Variants in OSBP2 observed in about 807,000 individuals in gnomAD.
The protein encoded by OSBP2 is oxysterol-binding protein 2.
OSBP2 carries 66 observed loss-of-function variants against 96.0 expected under a neutral mutation model. The ratio of observed to expected loss-of-function variants is 0.69; its 90% confidence interval spans 0.56 to 0.84. The LOEUF (loss-of-function observed/expected upper bound fraction) is 0.84, where lower values mean the gene tolerates loss of function less well. Ranked by LOEUF, OSBP2 falls within the 40% of genes least tolerant of loss-of-function variation. The pLI is 0.00. For synonymous variants in OSBP2, 525 were observed against 520.9 expected (o/e 1.01, Z -0.11); for missense variants, 1,038 against 1,222.7 (o/e 0.85, Z 2.25).
At chr22:30,722,673 CTT>C (rs552208663) in intron 1 of OSBP2, among the ~76,000 whole-genome samples, 9 of 149,426 alleles carry the variant, frequency 6.0e-5, no homozygotes, top group Non-Finnish European at 7.4e-5. Flanking sequence ...CTCTTTTTCT[CTT>C]TCTTTCTTTT....
At chr22:30,895,583 A>T (rs1569172439) in intron 12 of OSBP2, among the ~76,000 whole-genome samples, 1 of 152,204 alleles carries the variant, frequency 6.6e-6, no homozygotes, top group Admixed American at 6.5e-5. Flanking sequence ...TGACATTCAC[A>T]TATGGGGCCA....
intron 6 of OSBP2, 52 bp from the exon 7 acceptor site, chr22:30,889,437 AG>A: frequency 6.2e-7 from 1 of 1,607,014 alleles, no homozygotes; most frequent in Non-Finnish European, 8.5e-7. Context: ...TTGGAAGCCA[AG>A]GGGGCGCTCT....
At position 30,829,805 on chromosome 22, in the gene OSBP2, T is replaced by TA. The variant is rs1250761175; in HGVS notation, c.854-40619dup. ...CAACCATATGCAACAGCCCTGTTAA[T>TA]AAAAACAATTATTAGTAATAATATT... On this transcript the variant is annotated intron_variant, in intron 2 of 13. Coordinates refer to ENST00000332585, the MANE Select transcript of OSBP2 (RefSeq NM_030758.4). Among the ~76,000 whole-genome samples, 6 of 152,328 alleles carry TA rather than the reference T, an allele frequency of 3.9e-5. No individual in the cohort carries two copies. The South Asian group carries it at 8.3e-4, about 21-fold the overall frequency.
chr22:30,880,438 A>G (rs1185741145), intron 3 of OSBP2, among the ~76,000 whole-genome samples: 2 of 152,164 alleles, frequency 1.3e-5, no homozygotes, highest in African/African-American at 2.4e-5. Context: ...TGTGTGTGCT[A>G]ATGGCTGGAG....
chr22:30,745,433 G>A (rs1284765648), intron 2 of OSBP2, among the ~76,000 whole-genome samples: 1 of 152,116 alleles, frequency 6.6e-6, no homozygotes, highest in Non-Finnish European at 1.5e-5. Flanking sequence ...GCCAAGGTGG[G>A]CAGATCACCT....
upstream of OSBP2, chr22:30,694,219 G>C (rs907240712): frequency 1.2e-4 from 181 of 1,549,734 alleles, 1 homozygote; most frequent in East Asian, 4.4e-3. Context: ...GAACCCGAAC[G>C]ATGTCGTCAC....
intron 2 of OSBP2, among the ~76,000 whole-genome samples, chr22:30,850,663 C>A (rs944037271): frequency 3.3e-5 from 5 of 152,042 alleles, no homozygotes; most frequent in Admixed American, 3.3e-4. Flanking sequence ...TCATGCCTGG[C>A]TAATTTTGTA....
intron 3 of OSBP2, among the ~76,000 whole-genome samples, chr22:30,879,442 G>A (rs766297649): frequency 7.2e-5 from 11 of 152,260 alleles, no homozygotes; most frequent in African/African-American, 1.2e-4. Flanking sequence ...TGCCGAGAGT[G>A]AGTCAAGTCA....
At chr22:30,903,905 G>A (rs1469270643) in intron 12 of OSBP2, among the ~76,000 whole-genome samples, 3 of 152,230 alleles carry the variant, frequency 2.0e-5, no homozygotes, top group Non-Finnish European at 4.4e-5. Context: ...ATTGTACTGT[G>A]CAGAGCTGTC....
At chr22:30,839,389 G>A (rs2038700283) in intron 2 of OSBP2, among the ~76,000 whole-genome samples, 1 of 112,394 alleles carries the variant, frequency 8.9e-6, no homozygotes, top group South Asian at 2.9e-4. Flanking sequence ...GGGTCAAATG[G>A]TATTTCCAGT....
intron 12 of OSBP2, among the ~76,000 whole-genome samples, chr22:30,897,712 C>T (rs2040095489): frequency 6.6e-6 from 1 of 152,028 alleles, no homozygotes. Context: ...CCGAAGGTAG[C>T]GGGGGAGGGC....
chr22:30,731,659 C>G (rs1274254636), intron 1 of OSBP2: 1 of 154,560 alleles, frequency 6.5e-6, no homozygotes, highest in Non-Finnish European at 1.5e-5. Flanking sequence ...TATCAGCTCT[C>G]CTACTTCAAT....
In OSBP2 at chr22:30,896,969, A is replaced by G. The variant is rs2040081537; in HGVS notation, c.2375+2968A>G. On this transcript the variant is annotated intron_variant, in intron 12 of 13. Transcript: ENST00000332585. ...GGCCTAACTGGATGTGTTAAAATCC[A>G]GATACCCAGACCTTCTAAGAGGTTC... Among the ~76,000 whole-genome samples, 6 of 152,322 alleles carry G rather than the reference A, an allele frequency of 3.9e-5. No homozygotes were observed. The South Asian group carries it at 1.2e-3, about 32-fold the overall frequency.
intron 2 of OSBP2, among the ~76,000 whole-genome samples, chr22:30,845,426 A>C (rs969199441): frequency 2.0e-5 from 3 of 152,020 alleles, no homozygotes; most frequent in Non-Finnish European, 4.4e-5. Context: ...TGCATCTCAG[A>C]AATTAAATAA....
intron 12 of OSBP2, among the ~76,000 whole-genome samples, chr22:30,904,595 A>T (rs991342866): frequency 2.0e-5 from 3 of 149,824 alleles, no homozygotes; most frequent in Admixed American, 2.0e-4. Flanking sequence ...ACATAATTAA[A>T]ATATATATAT....
chr22:30,749,007 T>C (rs1391266757), intron 2 of OSBP2, among the ~76,000 whole-genome samples: 1 of 152,052 alleles, frequency 6.6e-6, no homozygotes, highest in Non-Finnish European at 1.5e-5. Context: ...TCCCAGCTAG[T>C]TGGGAGGCCG....
intron 2 of OSBP2, among the ~76,000 whole-genome samples, chr22:30,869,855 G>C (rs1352928793): frequency 3.3e-5 from 5 of 152,224 alleles, no homozygotes; most frequent in African/African-American, 9.6e-5. Context: ...CCATGCAGTG[G>C]GGACATGGCG....
intron 8 of OSBP2, 24 bp from the exon 9 acceptor site, chr22:30,893,098 C>T: frequency 6.2e-7 from 1 of 1,611,564 alleles, no homozygotes; most frequent in Non-Finnish European, 8.5e-7. Context: ...GGCAGATGCT[C>T]ACATCCTATG....
intron 2 of OSBP2, among the ~76,000 whole-genome samples, chr22:30,751,263 A>G (rs1340316205): frequency 1.3e-5 from 2 of 152,150 alleles, no homozygotes; most frequent in African/African-American, 2.4e-5. Flanking sequence ...GGGCTGTGCC[A>G]GGGGCCATGG....
Sources: gnomAD v4.1 joint callset for allele counts (sites outside exome capture counted in the v4.1 genomes callset) on GRCh38, gnomAD v4.1.1 for gene constraint, MANE v1.5 for transcripts, NCBI Gene and HGNC (gene_info 2026-07-23, HGNC 2026-07-21) for gene names.